Variants in RAB3C observed in about 807,000 individuals in gnomAD.
RAB3C encodes the protein ras-related protein Rab-3C.
Under a neutral mutation model 26.4 loss-of-function variants are expected in RAB3C, and 17 were observed. The observed-to-expected ratio is 0.64, with a 90% CI of 0.44 to 0.97. The LOEUF (loss-of-function observed/expected upper bound fraction) is 0.97, where lower values mean the gene tolerates loss of function less well. Ranked by LOEUF, RAB3C falls within the 50% of genes least tolerant of loss-of-function variation. RAB3C has a pLI of 0.00. For missense variants in RAB3C, 242 were observed against 281.9 expected (o/e 0.86, Z 1.01); for synonymous variants, 91 against 95.9 (o/e 0.95, Z 0.30).
At chr5:58,735,255 G>A (rs1004322216) in intron 3 of RAB3C, among the ~76,000 whole-genome samples, 6 of 152,132 alleles carry the variant, frequency 3.9e-5, no homozygotes, top group Non-Finnish European at 7.4e-5. Flanking sequence ...TGTGAGCAGG[G>A]CCTTGTTCAG....
chr5:58,782,152 A>AAT (rs1742285319), intron 3 of RAB3C, among the ~76,000 whole-genome samples: 1 of 152,146 alleles, frequency 6.6e-6, no homozygotes, highest in Non-Finnish European at 1.5e-5. Context: ...GGAGAGAGAA[A>AAT]GAATGAATGA....
intron 2 of RAB3C, among the ~76,000 whole-genome samples, chr5:58,668,365 G>A (rs1748042998): frequency 6.6e-6 from 1 of 152,114 alleles, no homozygotes; most frequent in East Asian, 1.9e-4. Flanking sequence ...TGGGAGGTTA[G>A]GGTCTTGGGA....
chr5:58,788,355 G>C lies in RAB3C; in HGVS notation c.372-36683G>C, dbSNP rs569634043. The C allele has an allele frequency of 4.6e-5, 7 of 152,316 alleles. No homozygotes were observed. The East Asian group carries it at 9.6e-4, about 21-fold the overall frequency. The allele number at this position is 152,316 out of a possible 1,614,324, so 9.4% of individuals were successfully genotyped here. A position where few individuals can be genotyped will look rare whatever the true frequency, so the allele number is the denominator to read the frequency against. ...GCCCCAGCTGCACTGCCACCACCTT[G>C]CCCCCTACTCCTGCCAGGTAAGTCC... On this transcript the variant is annotated intron_variant, in intron 3 of 4. Transcript: ENST00000282878.
At position 58,693,609 on chromosome 5, in the gene RAB3C, C is replaced by A. The variant is rs1409506995; in HGVS notation, c.253-32393C>A. 7.9e-5 allele frequency among the ~76,000 whole-genome samples: 12 copies of A among 152,188 alleles called. No homozygotes were observed. In the South Asian group the frequency reaches 2.5e-3, roughly 32 times the overall value. On this transcript the variant is annotated intron_variant, in intron 2 of 4. Coordinates refer to ENST00000282878, the MANE Select transcript of RAB3C (RefSeq NM_138453.4). Reference sequence around the variant, plus strand: ...AGAGCTGAGAAATTGAAAAGTGACTCCAAGTGACTTCTATTCAGCAAAAGC... The same window carrying A: ...AGAGCTGAGAAATTGAAAAGTGACTACAAGTGACTTCTATTCAGCAAAAGC...
chr5:58,727,275 T>TAC (rs138434460), intron 3 of RAB3C, among the ~76,000 whole-genome samples: 346 of 150,550 alleles, frequency 2.3e-3, no homozygotes, highest in African/African-American at 6.6e-3. Context: ...ACTTCTTATT[T>TAC]ACACACACAC....
intron 2 of RAB3C, among the ~76,000 whole-genome samples, chr5:58,718,620 C>T (rs1179383092): frequency 6.6e-6 from 1 of 151,924 alleles, no homozygotes; most frequent in Non-Finnish European, 1.5e-5. Flanking sequence ...AACATCATGA[C>T]AAGAAAAATC....
intron 3 of RAB3C, among the ~76,000 whole-genome samples, chr5:58,760,381 G>A (rs292950): frequency 0.36 from 54,323 of 151,996 alleles, 10,034 homozygotes; most frequent in East Asian, 0.49. Context: ...TAATGATTTG[G>A]ATGCATCAGA....
At chr5:58,659,349 T>G (rs1579842933) in intron 2 of RAB3C, among the ~76,000 whole-genome samples, 1 of 152,232 alleles carries the variant, frequency 6.6e-6, no homozygotes, top group Non-Finnish European at 1.5e-5. Context: ...TATATGCTTT[T>G]TCTTTGGTTC....
intron 1 of RAB3C, among the ~76,000 whole-genome samples, chr5:58,616,436 A>G (rs1391414597): frequency 6.6e-6 from 1 of 152,154 alleles, no homozygotes; most frequent in African/African-American, 2.4e-5. Context: ...AAATGTACTA[A>G]TCAGTGGGAT....
chr5:58,702,800 A>C (rs919907019), intron 2 of RAB3C, among the ~76,000 whole-genome samples: 1 of 152,212 alleles, frequency 6.6e-6, no homozygotes, highest in Non-Finnish European at 1.5e-5. Context: ...ACCTCTAAAC[A>C]AACCCTCCAG....
intron 3 of RAB3C, among the ~76,000 whole-genome samples, chr5:58,741,179 T>C (rs1289572362): frequency 6.6e-6 from 1 of 152,208 alleles, no homozygotes; most frequent in Non-Finnish European, 1.5e-5. Flanking sequence ...TCTGATGTCC[T>C]CAGAGACATT....
At chr5:58,829,200 G>T (rs940302944) in intron 4 of RAB3C, among the ~76,000 whole-genome samples, 1 of 152,056 alleles carries the variant, frequency 6.6e-6, no homozygotes, top group East Asian at 1.9e-4. Flanking sequence ...ATGGCACCCG[G>T]CCTCCATGAG....
chr5:58,844,314 C>A (rs1207327481), intron 4 of RAB3C, among the ~76,000 whole-genome samples: 1 of 152,188 alleles, frequency 6.6e-6, no homozygotes, highest in Non-Finnish European at 1.5e-5. Flanking sequence ...TAGGAAAATG[C>A]TACCATCTGG....
chr5:58,818,873 T>C (rs1190168170), intron 3 of RAB3C, among the ~76,000 whole-genome samples: 1 of 152,098 alleles, frequency 6.6e-6, no homozygotes, highest in Non-Finnish European at 1.5e-5. Flanking sequence ...ATAAATACCA[T>C]GTGAAAGGAG....
chr5:58,592,025 A>C (rs1746142622), intron 1 of RAB3C, among the ~76,000 whole-genome samples: 1 of 150,546 alleles, frequency 6.6e-6, no homozygotes, highest in African/African-American at 2.4e-5. Context: ...CAGCTTTCTG[A>C]GTAGCTGAAA....
intron 1 of RAB3C, among the ~76,000 whole-genome samples, chr5:58,611,486 G>A (rs1170648637): frequency 6.6e-6 from 1 of 152,132 alleles, no homozygotes; most frequent in Non-Finnish European, 1.5e-5. Flanking sequence ...GATCAGTGAT[G>A]TTGACCTTTT....
At chr5:58,800,962 T>C (rs533781334) in intron 3 of RAB3C, among the ~76,000 whole-genome samples, 12 of 152,328 alleles carry the variant, frequency 7.9e-5, no homozygotes, top group Non-Finnish European at 1.3e-4. Context: ...ATAGTCAGTG[T>C]ATGCAGCAGC....
chr5:58,828,399 G>A (rs1288697291), intron 4 of RAB3C, among the ~76,000 whole-genome samples: 1 of 152,100 alleles, frequency 6.6e-6, no homozygotes, highest in East Asian at 1.9e-4. Context: ...CTCCAGACTT[G>A]CATTTAGTTT....
Position 58,851,532 on chromosome 5 carries a change from A to T in RAB3C, c.*181A>T. 2.1e-6 allele frequency: 1 copy of T among 471,928 alleles called. No homozygotes were observed. 29.2% of individuals were successfully genotyped at this position (471,928 alleles called of 1,614,324 possible). A position where few individuals can be genotyped will look rare whatever the true frequency, so the allele number is the denominator to read the frequency against. On this transcript the variant is annotated 3_prime_UTR_variant, in exon 5 of 5. Coordinates refer to ENST00000282878, the MANE Select transcript of RAB3C (RefSeq NM_138453.4). ...CTGTTTAATATGTGGCAAATATGTG[A>T]TCTTAAATTTATAAGGACTATCCAT...
Sources: allele counts gnomAD v4.1 joint callset (sites outside exome capture counted in the v4.1 genomes callset), GRCh38; gene constraint gnomAD v4.1.1; transcripts MANE v1.5; gene names NCBI Gene and HGNC (gene_info 2026-07-23, HGNC 2026-07-21).